The following VWA3B variants were observed in gnomAD, a reference collection of about 807,000 sequenced individuals.
The protein encoded by VWA3B is von Willebrand factor A domain containing 3B.
Under a neutral mutation model 158.3 loss-of-function variants are expected in VWA3B, and 138 were observed. That is an observed-to-expected ratio of 0.87 (90% CI 0.76 to 1.00). The LOEUF is 1.00. Among genes scored for constraint, VWA3B ranks in the 50% least tolerant of loss-of-function variants. The pLI is 0.00. For synonymous variants in VWA3B, 596 were observed against 587.3 expected, an observed-to-expected ratio of 1.01 and a Z score of -0.21; for missense variants, 1,555 against 1,565.1, an observed-to-expected ratio of 0.99 and a Z score of 0.11.
At chr2:98,193,102 A>G (rs994400807) in intron 11 of VWA3B, 66 bp downstream of exon 11, 11 of 1,525,646 alleles carry the variant, frequency 7.2e-6, no homozygotes, top group Non-Finnish European at 9.7e-6. Context: ...AGCAGTGGAT[A>G]GGGGCTTGTT....
chr2:98,115,894 A>G (rs1021091153), intron 3 of VWA3B, 148 bp downstream of exon 3: 1 of 589,774 alleles, frequency 1.7e-6, no homozygotes, highest in African/African-American at 1.8e-5. Flanking sequence ...TTTGGCATTG[A>G]TAGGGTGATG....
At chr2:98,153,760 T>C (rs916182083) in intron 7 of VWA3B, among the ~76,000 whole-genome samples, 2 of 152,246 alleles carry the variant, frequency 1.3e-5, no homozygotes, top group South Asian at 2.1e-4. Context: ...GGAGCGGCTG[T>C]GCATCCAAAA....
chr2:98,280,833 C>T (rs1200591857), intron 22 of VWA3B, among the ~76,000 whole-genome samples: 2 of 152,210 alleles, frequency 1.3e-5, no homozygotes, highest in African/African-American at 4.8e-5. Context: ...CCCCTTAAGC[C>T]TTGGCCGGCC....
At chr2:98,120,555 C>A (rs1192983902) in intron 4 of VWA3B, among the ~76,000 whole-genome samples, 1 of 152,242 alleles carries the variant, frequency 6.6e-6, no homozygotes, top group Non-Finnish European at 1.5e-5. Flanking sequence ...ACAGATGCCA[C>A]TCAGCCAGAT....
At chr2:98,130,974 C>G (rs1247776799) in intron 6 of VWA3B, among the ~76,000 whole-genome samples, 1 of 152,200 alleles carries the variant, frequency 6.6e-6, no homozygotes, top group East Asian at 1.9e-4. Flanking sequence ...ATAAAATACA[C>G]TGTTGTTAAC....
rs144708815 is a variant in VWA3B at position 98,174,692 on chromosome 2, G to T, written c.1115-6324G>T. 4.4e-3 allele frequency among the ~76,000 whole-genome samples: 663 copies of T among 152,260 alleles called. 4 individuals carry two copies. Among genetic ancestry groups the T allele is most frequent in the African/African-American group, 0.015 (628 of 41,542 alleles). Reference sequence around the variant, plus strand: ...AATCTATCATGCATAGCCCAGGCAGGCACATGCACAGGGCTGTGGGCATGC... The same window carrying T: ...AATCTATCATGCATAGCCCAGGCAGTCACATGCACAGGGCTGTGGGCATGC... On this transcript the variant is annotated intron_variant, in intron 8 of 27. Transcript: ENST00000477737.
chr2:98,323,861 A>C, the VWA3B span, among the ~76,000 whole-genome samples: 1 of 152,240 alleles, frequency 6.6e-6, no homozygotes, highest in Non-Finnish European at 1.5e-5. Flanking sequence ...GAGGAGTTCC[A>C]CTTCCAGTAT....
chr2:98,167,365 G>C (rs1314667066), intron 8 of VWA3B, among the ~76,000 whole-genome samples: 2 of 147,752 alleles, frequency 1.4e-5, no homozygotes, highest in Non-Finnish European at 3.0e-5. Flanking sequence ...GAGTTCCCTG[G>C]AAAAAAAAAA....
intron 2 of VWA3B, among the ~76,000 whole-genome samples, chr2:98,106,224 C>G (rs1043139969): frequency 2.0e-5 from 3 of 152,080 alleles, no homozygotes; most frequent in African/African-American, 4.8e-5. Flanking sequence ...CCTAGGTTCT[C>G]TATTTGTTCT....
At chr2:98,257,610 T>A (rs1687236870) in intron 21 of VWA3B, among the ~76,000 whole-genome samples, 5 of 152,070 alleles carry the variant, frequency 3.3e-5, no homozygotes, top group Admixed American at 2.0e-4. Context: ...GTGGTTTTGA[T>A]ACACATTTTC....
At chr2:98,107,446 G>A (rs1165401271) in intron 2 of VWA3B, among the ~76,000 whole-genome samples, 2 of 152,062 alleles carry the variant, frequency 1.3e-5, no homozygotes, top group African/African-American at 4.8e-5. Flanking sequence ...AAGAAACAAT[G>A]TAGAATTAAT....
chr2:98,272,972 G>T (rs1010281687), intron 22 of VWA3B, among the ~76,000 whole-genome samples: 8 of 152,134 alleles, frequency 5.3e-5, no homozygotes, highest in African/African-American at 1.9e-4. Flanking sequence ...CCAGGTGCTG[G>T]CCCCTTAATC....
At chr2:98,116,197 GT>G (rs1454807135) in intron 3 of VWA3B, among the ~76,000 whole-genome samples, 1 of 152,160 alleles carries the variant, frequency 6.6e-6, no homozygotes, top group African/African-American at 2.4e-5. Flanking sequence ...GCCAGGCCCT[GT>G]GCAGACCCAG....
At chr2:98,093,357 T>C (rs1246600768) in intron 2 of VWA3B, 69 bp downstream of exon 2, 36 of 1,527,280 alleles carry the variant, frequency 2.4e-5, no homozygotes, top group Non-Finnish European at 3.2e-5. Context: ...GCATCAGCTC[T>C]GAAGGCCCCT....
At chr2:98,274,566 G>C (rs117332004) in intron 22 of VWA3B, among the ~76,000 whole-genome samples, 1 of 152,156 alleles carries the variant, frequency 6.6e-6, no homozygotes. Flanking sequence ...GGGGAAGAAC[G>C]CGGAGTGTTC....
chr2:98,150,801 G>A (rs1677562263), intron 7 of VWA3B, among the ~76,000 whole-genome samples: 1 of 152,190 alleles, frequency 6.6e-6, no homozygotes, highest in African/African-American at 2.4e-5. Flanking sequence ...CTGACAGTCT[G>A]TAGGTGTGAT....
chr2:98,285,548 A>G (rs1689120077), intron 22 of VWA3B, among the ~76,000 whole-genome samples: 1 of 151,936 alleles, frequency 6.6e-6, no homozygotes, highest in African/African-American at 2.4e-5. Context: ...TCAAAAATCA[A>G]TTGACTATAA....
At chr2:98,328,190 C>G in the VWA3B span, among the ~76,000 whole-genome samples, 7 of 152,058 alleles carry the variant, frequency 4.6e-5, no homozygotes, top group Non-Finnish European at 1.0e-4. Context: ...TGATCAGTCC[C>G]CAAATCCCTC....
the VWA3B span, among the ~76,000 whole-genome samples, chr2:98,321,258 G>A: frequency 6.6e-6 from 1 of 152,184 alleles, no homozygotes; most frequent in African/African-American, 2.4e-5. Flanking sequence ...TTCAGGGATG[G>A]GGCCCTCATG....
Sources: allele counts gnomAD v4.1 joint callset (sites outside exome capture counted in the v4.1 genomes callset), GRCh38; gene constraint gnomAD v4.1.1; transcripts MANE v1.5; gene names NCBI Gene and HGNC (gene_info 2026-07-23, HGNC 2026-07-21).